Variants in KLHL13 observed in about 807,000 individuals in gnomAD.
KLHL13 encodes kelch like family member 13, also known as kelch-like protein 13.
A neutral mutation model predicts 37.1 loss-of-function variants in KLHL13; 10 were observed. That is an observed-to-expected ratio of 0.27 (90% CI 0.17 to 0.46). The LOEUF (loss-of-function observed/expected upper bound fraction) is 0.46, where lower values mean the gene tolerates loss of function less well. KLHL13 is among the 20% of genes least tolerant of loss of function. KLHL13 has a pLI of 1.00. For synonymous variants in KLHL13, 163 were observed against 181.2 expected (o/e 0.90, Z 0.81); for missense variants, 360 against 509.3 (o/e 0.71, Z 2.82).
At chrX:118,099,906 A>AGAAGGAAGAAAGGAAGGAAG (rs1556005213) in intron 1 of KLHL13, among the ~76,000 whole-genome samples, 1 of 91,247 alleles carries the variant, frequency 1.1e-5, no homozygotes, top group African/African-American at 6.7e-5. Context: ...AAGGAAGGAA[A>AGAAGGAAGAAAGGAAGGAAG]GAAGGAAGGA....
intron 1 of KLHL13, among the ~76,000 whole-genome samples, chrX:118,104,332 T>A (rs1255069528): frequency 1.8e-5 from 2 of 111,492 alleles, no homozygotes; most frequent in Non-Finnish European, 3.8e-5. Context: ...GTAACCTATA[T>A]CAGGTATAAC....
chrX:117,970,953 A>G (rs936311744), intron 1 of KLHL13, among the ~76,000 whole-genome samples: 1 of 111,945 alleles, frequency 8.9e-6, no homozygotes, highest in African/African-American at 3.2e-5. Flanking sequence ...TATGTGTACT[A>G]CCAACAACCA....
chrX:118,026,168 C>T (rs1450288257), intron 1 of KLHL13, among the ~76,000 whole-genome samples: 1 of 111,605 alleles, frequency 9.0e-6, no homozygotes, highest in Non-Finnish European at 1.9e-5. Flanking sequence ...CCTACCTCAA[C>T]CTTTCCTACG....
intron 1 of KLHL13, among the ~76,000 whole-genome samples, chrX:118,068,875 G>A (rs887803586): frequency 9.1e-6 from 1 of 110,166 alleles, no homozygotes; most frequent in African/African-American, 3.3e-5. Flanking sequence ...TTCCCTGTGG[G>A]GCCAAGAAAT....
intron 1 of KLHL13, among the ~76,000 whole-genome samples, chrX:118,013,949 TCTTTA>T (rs771345562): frequency 4.4e-5 from 5 of 112,859 alleles, no homozygotes; most frequent in East Asian, 2.8e-4. Flanking sequence ...CTTATGCCTG[TCTTTA>T]CTTTAATCTC....
intron 1 of KLHL13, among the ~76,000 whole-genome samples, chrX:118,071,060 T>C (rs2148113870): frequency 9.0e-6 from 1 of 111,437 alleles, no homozygotes; most frequent in East Asian, 2.8e-4. Flanking sequence ...TCCAACTTCA[T>C]CCATGTCCCT....
chrX:118,048,574 T>C (rs1414212016), intron 1 of KLHL13, among the ~76,000 whole-genome samples: 2 of 111,718 alleles, frequency 1.8e-5, no homozygotes, highest in African/African-American at 6.5e-5. Flanking sequence ...TTTCTGCATG[T>C]TTGGAATTTT....
At chrX:118,002,539 G>A (rs2053935033) in intron 1 of KLHL13, among the ~76,000 whole-genome samples, 1 of 108,662 alleles carries the variant, frequency 9.2e-6, no homozygotes, top group African/African-American at 3.4e-5. Flanking sequence ...GTTACGGTGA[G>A]CTGAGATCGC....
rs749720374 is a variant in KLHL13 at position 117,957,063 on chromosome X, A to G, written c.99-11488T>C. ...AAAGGCAATTGCTCTCACCAAAATT[A>G]TTTGACCACCTTTGACCCTTGCTTC... On this transcript the variant is annotated intron_variant, in intron 1 of 6. Transcript: ENST00000262820. Among the ~76,000 whole-genome samples, 8 of 111,434 alleles carry G rather than the reference A, an allele frequency of 7.2e-5. No individual in the cohort carries two copies. In the South Asian group the frequency reaches 3.0e-3, roughly 42 times the overall value.
intron 1 of KLHL13, among the ~76,000 whole-genome samples, chrX:118,023,185 G>A (rs1375353884): frequency 3.1e-4 from 35 of 111,409 alleles, no homozygotes; most frequent in African/African-American, 8.8e-4. Flanking sequence ...CCTCTTTACT[G>A]ACATTGGACA....
At chrX:117,988,802 C>T (rs2053755402) in intron 1 of KLHL13, among the ~76,000 whole-genome samples, 1 of 111,653 alleles carries the variant, frequency 9.0e-6, no homozygotes, top group South Asian at 3.7e-4. Flanking sequence ...TGTCCTACCA[C>T]CATATGGAAC....
At chrX:118,102,312 T>A (rs183794372) in intron 1 of KLHL13, among the ~76,000 whole-genome samples, 4 of 112,177 alleles carry the variant, frequency 3.6e-5, no homozygotes, top group Non-Finnish European at 7.5e-5. Flanking sequence ...GCTCATATAG[T>A]AATAATTATT....
At chrX:118,103,327 A>T (rs909476809) in intron 1 of KLHL13, among the ~76,000 whole-genome samples, 12 of 111,883 alleles carry the variant, frequency 1.1e-4, no homozygotes, top group African/African-American at 3.9e-4. Context: ...CTTTTGCCAT[A>T]CATGGCAAAG....
chrX:117,988,257 A>C (rs2053750476), intron 1 of KLHL13, among the ~76,000 whole-genome samples: 1 of 112,223 alleles, frequency 8.9e-6, no homozygotes. Flanking sequence ...GGAATTCCAC[A>C]AGTGTCATAT....
At chrX:118,041,438 G>A (rs2054505483) in intron 1 of KLHL13, among the ~76,000 whole-genome samples, 1 of 111,024 alleles carries the variant, frequency 9.0e-6, no homozygotes, top group African/African-American at 3.3e-5. Flanking sequence ...GAGGTGGGTG[G>A]ATCACTTAAG....
intron 1 of KLHL13, among the ~76,000 whole-genome samples, chrX:118,095,842 A>G (rs1242524573): frequency 4.5e-5 from 5 of 112,159 alleles, no homozygotes; most frequent in Admixed American, 9.5e-5. Context: ...TTTGAAACCA[A>G]TGAGAACAAA....
chrX:118,029,281 TGG>T (rs761256361), intron 1 of KLHL13, among the ~76,000 whole-genome samples: 4 of 111,583 alleles, frequency 3.6e-5, no homozygotes, highest in Non-Finnish European at 7.5e-5. Context: ...CTCAGGAACT[TGG>T]GGTCTGAGAA....
chrX:118,090,332 C>T lies in KLHL13; in HGVS notation c.-56+26176G>A, dbSNP rs937433429. On this transcript the variant is annotated intron_variant, in intron 1 of 6. Transcript: ENST00000371882. ...CAAAAGAAACTACCAAAAGAGTGAACAGGCAACCTACAGAATGGGAGAAAA... is the reference window on the plus strand; with the variant it reads ...CAAAAGAAACTACCAAAAGAGTGAATAGGCAACCTACAGAATGGGAGAAAA... 3.0e-4 allele frequency among the ~76,000 whole-genome samples: 33 copies of T among 111,004 alleles called. No individual in the cohort carries two copies. In the Admixed American group the frequency reaches 3.2e-3, roughly 11 times the overall value.
At chrX:117,931,483 AT>A (rs923849403) in intron 2 of KLHL13, among the ~76,000 whole-genome samples, 40 of 108,750 alleles carry the variant, frequency 3.7e-4, no homozygotes, top group Middle Eastern at 4.7e-3. Context: ...TTTCTCCCTG[AT>A]TTTTTTTTTC....
Sources: allele counts gnomAD v4.1 joint callset (sites outside exome capture counted in the v4.1 genomes callset), GRCh38; gene constraint gnomAD v4.1.1; transcripts MANE v1.5; gene names NCBI Gene and HGNC (gene_info 2026-07-23, HGNC 2026-07-21).